The following RBPJ variants were observed in gnomAD, a reference collection of about 807,000 sequenced individuals.
RBPJ encodes recombination signal binding protein for immunoglobulin kappa J region.
Under a neutral mutation model 67.8 loss-of-function variants are expected in RBPJ, and 9 were observed. The ratio of observed to expected loss-of-function variants is 0.13; its 90% CI spans 0.08 to 0.23. The LOEUF is 0.23. Among genes scored for constraint, RBPJ ranks in the 10% least tolerant of loss-of-function variants. The pLI, the probability that RBPJ is intolerant of heterozygous loss-of-function variation, is 1.00. For missense variants in RBPJ, 305 were observed against 595.6 expected, an observed-to-expected ratio of 0.51 and a Z score of 5.08; for synonymous variants, 198 against 203.3, an observed-to-expected ratio of 0.97 and a Z score of 0.22.
intron 1 of RBPJ, among the ~76,000 whole-genome samples, chr4:26,354,055 C>T (rs536208279): frequency 3.3e-5 from 5 of 152,050 alleles, no homozygotes; most frequent in Admixed American, 2.0e-4. Context: ...CTCAGCCTCC[C>T]GAGTAGCTGG....
At chr4:26,211,890 T>G (rs1347568891) in intron 1 of RBPJ, among the ~76,000 whole-genome samples, 1 of 152,156 alleles carries the variant, frequency 6.6e-6, no homozygotes, top group Non-Finnish European at 1.5e-5. Context: ...ATATGACTGG[T>G]GTCCTTACGA....
rs1290768979 is a variant in RBPJ, at chr4:26,193,480, C to T, written c.-167+29866C>T. Among the ~76,000 whole-genome samples, 7 of 151,960 alleles carry T rather than the reference C, an allele frequency of 4.6e-5. No homozygotes were observed. The East Asian group carries it at 5.8e-4, about 13-fold the overall frequency. On this transcript the variant is annotated intron_variant, in intron 1 of 4. Coordinates refer to the RBPJ transcript ENST00000512351. Reference sequence around the variant, plus strand: ...AAAATTTCCCCTTTCTTCTTTGTTTCGGTGTCAATTTTTTTTTTAGTTGAA... The same window carrying T: ...AAAATTTCCCCTTTCTTCTTTGTTTTGGTGTCAATTTTTTTTTTAGTTGAA...
At chr4:26,338,104 T>TC (rs1725065918) in intron 1 of RBPJ, among the ~76,000 whole-genome samples, 1 of 150,958 alleles carries the variant, frequency 6.6e-6, no homozygotes, top group African/African-American at 2.4e-5. Flanking sequence ...TGTTTTTTTT[T>TC]CATCTTCCTC....
chr4:26,320,682 C>G (rs1722921006), upstream of RBPJ: 1 of 1,497,958 alleles, frequency 6.7e-7, no homozygotes, highest in Non-Finnish European at 9.0e-7. Flanking sequence ...CGTAGTAATC[C>G]CCTCCGGTTT....
At chr4:26,373,058 T>G (rs1729329198) in intron 1 of RBPJ, among the ~76,000 whole-genome samples, 1 of 152,232 alleles carries the variant, frequency 6.6e-6, no homozygotes, top group African/African-American at 2.4e-5. Flanking sequence ...TTACCACAAA[T>G]GTAGGTTTGA....
intron 2 of RBPJ, among the ~76,000 whole-genome samples, chr4:26,392,970 G>A (rs1046921567): frequency 6.6e-6 from 1 of 152,050 alleles, no homozygotes; most frequent in African/African-American, 2.4e-5. Context: ...GTCTTGCTCT[G>A]TCACCCAGGC....
At chr4:26,163,820 A>G (rs1716153796) in intron 1 of RBPJ, among the ~76,000 whole-genome samples, 1 of 152,212 alleles carries the variant, frequency 6.6e-6, no homozygotes, top group South Asian at 2.1e-4. Context: ...GCCTTAGATC[A>G]CTCAGCAGAT....
At chr4:26,107,165 A>G in the RBPJ span, among the ~76,000 whole-genome samples, 1 of 152,270 alleles carries the variant, frequency 6.6e-6, no homozygotes, top group African/African-American at 2.4e-5. Flanking sequence ...TACTTCAGGT[A>G]GCTGAGGTCA....
At chr4:26,320,855 C>G (rs942293029), upstream of RBPJ, 18 of 1,569,962 alleles carry the variant, frequency 1.1e-5, no homozygotes, top group Non-Finnish European at 1.6e-5. Flanking sequence ...ATCCCCTACT[C>G]TGCGGGCGGC....
upstream of RBPJ, among the ~76,000 whole-genome samples, chr4:26,316,617 T>TATA (rs1202375810): frequency 3.3e-4 from 47 of 143,148 alleles, no homozygotes; most frequent in African/African-American, 1.1e-3. Context: ...CACATATTGA[T>TATA]ATATATATAC....
At chr4:26,299,672 C>CTTTTTTT (rs397879662) in intron 1 of RBPJ, among the ~76,000 whole-genome samples, 2 of 85,290 alleles carry the variant, frequency 2.3e-5, no homozygotes, top group East Asian at 3.5e-4. Context: ...AGACTGTGTG[C>CTTTTTTT]TTTTTTTTTT....
At position 26,210,700 on chromosome 4, in the gene RBPJ, T is replaced by TTTCTTTCTTTCTTTCTTTCC. The variant is rs1348512062; in HGVS notation, c.-167+47093_-167+47094insTTTCTTTCTTTCCTTCTTTC. ...TTTCTTTCTTTCCTTTCTTTCTTTCTTTCTTTCCTTCTTTCCTTCTTTCTT... is the reference window on the plus strand; with the variant it reads ...TTTCTTTCTTTCCTTTCTTTCTTTCTTTCTTTCTTTCTTTCTTTCCTTCTTTCCTTCTTTCCTTCTTTCTT... On this transcript the variant is annotated intron_variant, in intron 1 of 4. Transcript: ENST00000512351. Among the ~76,000 whole-genome samples the TTTCTTTCTTTCTTTCTTTCC allele has an allele frequency of 3.1e-3, 185 of 59,814 alleles. 6 individuals carry two copies. Among genetic ancestry groups the TTTCTTTCTTTCTTTCTTTCC allele is most frequent in the East Asian group, 0.016 (22 of 1,402 alleles). 39.2% of individuals were successfully genotyped at this position (59,814 alleles called of 152,430 possible). A position where few individuals can be genotyped will look rare whatever the true frequency, so the allele number is the denominator to read the frequency against.
chr4:26,354,331 A>G (rs1017644071), intron 1 of RBPJ, among the ~76,000 whole-genome samples: 3 of 152,234 alleles, frequency 2.0e-5, no homozygotes, highest in East Asian at 1.9e-4. Context: ...TTATTTAAAT[A>G]CAAAATATTT....
chr4:26,269,993 G>T (rs1454758121), intron 1 of RBPJ, among the ~76,000 whole-genome samples: 1 of 151,850 alleles, frequency 6.6e-6, no homozygotes, highest in Non-Finnish European at 1.5e-5. Context: ...GGAAATTGCT[G>T]GTATGGGGCC....
At chr4:26,165,712 C>CT (rs67295097) in intron 1 of RBPJ, among the ~76,000 whole-genome samples, 5 of 148,962 alleles carry the variant, frequency 3.4e-5, no homozygotes, top group African/African-American at 7.4e-5. Flanking sequence ...CATTTTTTTT[C>CT]TTTTTTTTTT....
intron 1 of RBPJ, among the ~76,000 whole-genome samples, chr4:26,214,477 GAAAC>G (rs1376071564): frequency 9.3e-6 from 1 of 107,450 alleles, no homozygotes; most frequent in South Asian, 3.4e-4. Context: ...AGAAGAAAGA[GAAAC>G]AAGGAGGGAA....
chr4:26,290,355 G>A (rs946049852), intron 1 of RBPJ, among the ~76,000 whole-genome samples: 19 of 147,546 alleles, frequency 1.3e-4, no homozygotes, highest in African/African-American at 4.0e-4. Flanking sequence ...AAGTTAGACC[G>A]CATGAGCTGT....
intron 1 of RBPJ, among the ~76,000 whole-genome samples, chr4:26,229,475 TC>T (rs953039493): frequency 9.2e-5 from 14 of 152,298 alleles, no homozygotes; most frequent in African/African-American, 3.4e-4. Flanking sequence ...CTTGGCTATT[TC>T]ATGAAAGGCC....
intron 5 of RBPJ, among the ~76,000 whole-genome samples, chr4:26,421,096 A>G (rs750494712): frequency 1.3e-5 from 2 of 152,148 alleles, no homozygotes; most frequent in Non-Finnish European, 2.9e-5. Context: ...TCTACCCACA[A>G]TGTCAACAAG....
Sources: gnomAD v4.1 joint callset for allele counts (sites outside exome capture counted in the v4.1 genomes callset) on GRCh38, gnomAD v4.1.1 for gene constraint, MANE v1.5 for transcripts, NCBI Gene and HGNC (gene_info 2026-07-23, HGNC 2026-07-21) for gene names.